UNC5D: variants seen among roughly 807,000 people sequenced by gnomAD.
UNC5D encodes netrin receptor UNC5D.
In UNC5D, 39 loss-of-function variants were observed where a neutral mutation model predicts 105.4. The ratio of observed to expected loss-of-function variants is 0.37; its 90% CI spans 0.29 to 0.48. UNC5D has a LOEUF of 0.48. Ranked by LOEUF, UNC5D falls within the 20% of genes least tolerant of loss-of-function variation. UNC5D has a pLI of 0.98. For missense variants in UNC5D, 991 were observed against 1,202.4 expected (o/e 0.82, Z 2.60); for synonymous variants, 452 against 450.4 (o/e 1.00, Z -0.04).
chr8:35,507,201 G>A (rs915987475), intron 1 of UNC5D, among the ~76,000 whole-genome samples: 14 of 149,906 alleles, frequency 9.3e-5, no homozygotes, highest in African/African-American at 1.7e-4. Context: ...GACTACAGGC[G>A]CCCGCCACTA....
intron 1 of UNC5D, among the ~76,000 whole-genome samples, chr8:35,288,715 AG>A (rs1268195959): frequency 2.0e-5 from 3 of 152,196 alleles, no homozygotes; most frequent in Non-Finnish European, 4.4e-5. Context: ...ATATCATAAA[AG>A]TTGTTGGGAG....
chr8:35,670,385 TCTA>T (rs922431454), intron 4 of UNC5D, among the ~76,000 whole-genome samples: 9 of 152,120 alleles, frequency 5.9e-5, no homozygotes, highest in African/African-American at 2.2e-4. Flanking sequence ...TAATTTTGAT[TCTA>T]CTTTGAAGAC....
intron 1 of UNC5D, among the ~76,000 whole-genome samples, chr8:35,247,436 T>C (rs1306934166): frequency 7.0e-6 from 1 of 142,584 alleles, no homozygotes; most frequent in Non-Finnish European, 1.5e-5. Flanking sequence ...TAAGCTTTTG[T>C]TCCAGTTACT....
chr8:35,368,781 C>T (rs2128923498), intron 1 of UNC5D, among the ~76,000 whole-genome samples: 1 of 151,958 alleles, frequency 6.6e-6, no homozygotes, highest in Non-Finnish European at 1.5e-5. Context: ...GATATTGGGT[C>T]CCTTAGAACA....
chr8:35,383,866 C>T (rs1379566573), intron 1 of UNC5D, among the ~76,000 whole-genome samples: 2 of 152,050 alleles, frequency 1.3e-5, no homozygotes, highest in African/African-American at 4.8e-5. Context: ...ATTGCTTCAG[C>T]CCCGGAATTT....
intron 1 of UNC5D, among the ~76,000 whole-genome samples, chr8:35,247,179 G>A (rs1052580331): frequency 2.0e-5 from 3 of 151,746 alleles, no homozygotes; most frequent in Admixed American, 1.3e-4. Flanking sequence ...GATACCAGAA[G>A]ACTAAAGACT....
intron 1 of UNC5D, among the ~76,000 whole-genome samples, chr8:35,286,556 A>G (rs1037425852): frequency 1.3e-5 from 2 of 152,166 alleles, no homozygotes; most frequent in Non-Finnish European, 2.9e-5. Context: ...GAGAGAAGCA[A>G]CTGCATGTCA....
intron 3 of UNC5D, among the ~76,000 whole-genome samples, chr8:35,581,857 A>G (rs1818486610): frequency 6.6e-6 from 1 of 152,178 alleles, no homozygotes; most frequent in African/African-American, 2.4e-5. Context: ...GCTCCTGACA[A>G]GACCCAGGGG....
intron 2 of UNC5D, among the ~76,000 whole-genome samples, chr8:35,565,160 T>A (rs754105660): frequency 1.3e-5 from 2 of 152,118 alleles, no homozygotes; most frequent in Non-Finnish European, 2.9e-5. Context: ...TTTTGAGAAA[T>A]CTCCATACTG....
Position 35,683,695 on chromosome 8 carries a change from G to A in UNC5D, c.719G>A (p.Arg240Lys). ...ATGGCAGCCAACATCGTGGCTAAGA[G>A]GAGAAGCCTGTCGGCCACTGTTGTG... Reference protein sequence around the residue: ...TCMAANIVAKRRSLSATVVVY... With the variant: ...TCMAANIVAKKRSLSATVVVY... The change falls in exon 5 of 17, where the codon AGG (arginine) becomes AAG (lysine). Residue 240 changes from arginine to lysine, a missense_variant. Around this residue, in one of 3 missense-constraint regions of UNC5D, gnomAD observed 944 missense variants for 1,131.6 expected, o/e 0.83. Coordinates refer to ENST00000404895, the MANE Select transcript of UNC5D (RefSeq NM_080872.4). The A allele has an allele frequency of 6.4e-7, 1 of 1,555,176 alleles. No individual in the cohort carries two copies. Among genetic ancestry groups the A allele is most frequent in the Non-Finnish European group, 8.6e-7 (1 of 1,159,992 alleles).
chr8:35,252,009 A>G (rs1803731575), intron 1 of UNC5D, among the ~76,000 whole-genome samples: 1 of 148,066 alleles, frequency 6.8e-6, no homozygotes, highest in Non-Finnish European at 1.5e-5. Flanking sequence ...GTTCCTAACT[A>G]CCAATGGTTC....
chr8:35,452,254 T>C (rs1808205393), intron 1 of UNC5D, among the ~76,000 whole-genome samples: 1 of 152,090 alleles, frequency 6.6e-6, no homozygotes, highest in Non-Finnish European at 1.5e-5. Context: ...AATTCTAATA[T>C]CTATTTTTAT....
At chr8:35,607,846 ACCCTAAC>A (rs1455878261) in intron 4 of UNC5D, among the ~76,000 whole-genome samples, 1 of 151,524 alleles carries the variant, frequency 6.6e-6, no homozygotes, top group Non-Finnish European at 1.5e-5. Flanking sequence ...ATTAACCCTA[ACCCTAAC>A]CCCTAACCCT....
At chr8:35,534,485 G>A (rs1285946383) in intron 1 of UNC5D, among the ~76,000 whole-genome samples, 2 of 151,592 alleles carry the variant, frequency 1.3e-5, no homozygotes, top group African/African-American at 4.8e-5. Flanking sequence ...TTGTGTTGAT[G>A]GTTCTAGATG....
At chr8:35,502,691 TG>T (rs1224094502) in intron 1 of UNC5D, among the ~76,000 whole-genome samples, 5 of 151,982 alleles carry the variant, frequency 3.3e-5, no homozygotes, top group African/African-American at 1.2e-4. Flanking sequence ...CCTGAGTAGC[TG>T]GGACTACAGG....
intron 1 of UNC5D, among the ~76,000 whole-genome samples, chr8:35,308,510 C>A (rs1808615405): frequency 6.6e-6 from 1 of 152,110 alleles, no homozygotes; most frequent in South Asian, 2.1e-4. Context: ...AAAACTTTGA[C>A]CTTCACAATG....
chr8:35,517,367 C>G (rs1027721819), intron 1 of UNC5D, among the ~76,000 whole-genome samples: 1 of 152,168 alleles, frequency 6.6e-6, no homozygotes, highest in African/African-American at 2.4e-5. Flanking sequence ...CAAAGCAAAT[C>G]TTAACATGAA....
chr8:35,784,169 T>C (rs796480947), intron 16 of UNC5D, among the ~76,000 whole-genome samples: 26 of 152,178 alleles, frequency 1.7e-4, no homozygotes, highest in African/African-American at 6.3e-4. Flanking sequence ...AAGATAAAAT[T>C]AATCATGGTA....
intron 1 of UNC5D, among the ~76,000 whole-genome samples, chr8:35,481,574 C>G (rs1222202839): frequency 2.0e-5 from 3 of 152,134 alleles, no homozygotes; most frequent in African/African-American, 4.8e-5. Flanking sequence ...AATAAATTCT[C>G]TAAATGCTTC....
Sources: allele counts gnomAD v4.1 joint callset (sites outside exome capture counted in the v4.1 genomes callset), GRCh38; gene constraint gnomAD v4.1.1; regional missense constraint gnomAD v4.1.1; transcripts MANE v1.5; gene names NCBI Gene and HGNC (gene_info 2026-07-23, HGNC 2026-07-21).